Variants in AKAP13 observed in about 807,000 individuals in gnomAD.
AKAP13 encodes A-kinase anchoring protein 13, also known as A-kinase anchor protein 13.
In AKAP13, 80 loss-of-function variants were observed where a neutral mutation model predicts 264.5. The observed-to-expected ratio is 0.30, with a 90% CI of 0.25 to 0.36. The LOEUF (loss-of-function observed/expected upper bound fraction) is 0.36. AKAP13 is among the 10% of genes least tolerant of loss of function. The pLI is 1.00. For missense variants in AKAP13, 3,712 were observed against 3,435.2 expected (o/e 1.08, Z -2.01); for synonymous variants, 1,380 against 1,250.2 (o/e 1.10, Z -2.19).
At chr15:85,587,156 G>A (rs2151320892) in intron 8 of AKAP13, among the ~76,000 whole-genome samples, 1 of 152,232 alleles carries the variant, frequency 6.6e-6, no homozygotes, top group South Asian at 2.1e-4. Flanking sequence ...TTAGCAGTGT[G>A]CCTTTCCTTC....
intron 1 of AKAP13, among the ~76,000 whole-genome samples, chr15:85,423,871 C>T (rs1375531560): frequency 3.9e-5 from 6 of 152,220 alleles, no homozygotes; most frequent in Non-Finnish European, 2.9e-5. Context: ...TGTTAGCAGG[C>T]ATGAAAACAA....
At chr15:85,676,887 G>A in intron 14 of AKAP13, 6 of 957,142 alleles carry the variant, frequency 6.3e-6, no homozygotes, top group Non-Finnish European at 7.5e-6. Flanking sequence ...AACCGCATAG[G>A]CCATTGACAT....
At chr15:85,484,103 A>G (rs1434522151) in intron 1 of AKAP13, among the ~76,000 whole-genome samples, 1 of 152,128 alleles carries the variant, frequency 6.6e-6, no homozygotes, top group Non-Finnish European at 1.5e-5. Flanking sequence ...TTTCATTCCC[A>G]TGTCCTAGGC....
chr15:85,547,716 T>G (rs1262295250), intron 5 of AKAP13, among the ~76,000 whole-genome samples: 1 of 152,212 alleles, frequency 6.6e-6, no homozygotes, highest in African/African-American at 2.4e-5. Context: ...CTTAAATACA[T>G]TGTATTTAAG....
chr15:85,445,666 A>T (rs949195619), intron 1 of AKAP13, among the ~76,000 whole-genome samples: 20 of 151,960 alleles, frequency 1.3e-4, no homozygotes, highest in African/African-American at 4.6e-4. Context: ...GGAGAGAAAG[A>T]TGCCAACTGT....
intron 5 of AKAP13, among the ~76,000 whole-genome samples, chr15:85,555,658 G>C (rs1254830859): frequency 6.6e-6 from 1 of 152,158 alleles, no homozygotes; most frequent in African/African-American, 2.4e-5. Context: ...AAGTTAATTT[G>C]ACTGGGTTTT....
At chr15:85,404,390 A>G (rs1336992929) in intron 1 of AKAP13, among the ~76,000 whole-genome samples, 1 of 152,224 alleles carries the variant, frequency 6.6e-6, no homozygotes, top group East Asian at 1.9e-4. Context: ...AACACGCTTT[A>G]AAAACTGTTC....
intron 1 of AKAP13, among the ~76,000 whole-genome samples, chr15:85,433,421 T>C (rs941535099): frequency 6.6e-6 from 1 of 152,172 alleles, no homozygotes; most frequent in South Asian, 2.1e-4. Context: ...TCCACGTCTT[T>C]GTCGGTAGTG....
chr15:85,743,990 A>G (rs543699902), intron 36 of AKAP13, 165 bp downstream of exon 36: 5 of 781,064 alleles, frequency 6.4e-6, no homozygotes, highest in Non-Finnish European at 9.9e-6. Context: ...GCACTCATGC[A>G]GCGAACATTA....
chr15:85,480,864 T>G (rs1429654423), intron 1 of AKAP13: 3 of 152,138 alleles, frequency 2.0e-5, no homozygotes, highest in African/African-American at 7.2e-5. Context: ...ATTTTTGTAT[T>G]TTTTGTAGGG....
intron 1 of AKAP13, among the ~76,000 whole-genome samples, chr15:85,387,773 A>G (rs1177353236): frequency 1.3e-5 from 2 of 152,144 alleles, no homozygotes; most frequent in African/African-American, 2.4e-5. Context: ...TGGATCTTGC[A>G]TGTGTTTTGT....
intron 1 of AKAP13, among the ~76,000 whole-genome samples, chr15:85,433,865 C>T (rs1173768326): frequency 1.3e-5 from 2 of 151,806 alleles, no homozygotes; most frequent in Non-Finnish European, 2.9e-5. Context: ...CACTTGAACC[C>T]GGGAGTTGGA....
Position 85,744,723 on chromosome 15 carries a change from C to G in AKAP13, c.*46C>G. ...GCAGCTGCCTCCTGATCCTGGCCAG[C>G]CCACCTCTCCTGCTGTCCCCGCGTG... On this transcript the variant is annotated 3_prime_UTR_variant, in exon 37 of 37. Transcript: ENST00000394518. 6.5e-7 allele frequency: 1 copy of G among 1,538,002 alleles called. No individual in the cohort carries two copies.
intron 2 of AKAP13, among the ~76,000 whole-genome samples, chr15:85,519,345 C>CA: frequency 6.6e-6 from 1 of 152,146 alleles, no homozygotes; most frequent in Non-Finnish European, 1.5e-5. Flanking sequence ...CCCGCCCCCA[C>CA]AAAATGTAAA....
intron 19 of AKAP13, 53 bp downstream of exon 19, chr15:85,710,698 T>A (rs1472683194): frequency 7.0e-6 from 11 of 1,571,572 alleles, no homozygotes; most frequent in Non-Finnish European, 7.8e-6. Flanking sequence ...TGGTTCTGAA[T>A]GTAAAAATGC....
At chr15:85,539,943 C>T (rs1223030404) in intron 4 of AKAP13, among the ~76,000 whole-genome samples, 1 of 151,878 alleles carries the variant, frequency 6.6e-6, no homozygotes, top group Admixed American at 6.6e-5. Context: ...TCCCATTTGC[C>T]CTTTAAAGAG....
chr15:85,447,299 T>C (rs1164081092), intron 1 of AKAP13, among the ~76,000 whole-genome samples: 1 of 152,116 alleles, frequency 6.6e-6, no homozygotes, highest in Admixed American at 6.6e-5. Flanking sequence ...GTTATTATTA[T>C]TATTTTAAAA....
In AKAP13 at chr15:85,585,795, A is replaced by G; in HGVS notation, c.4133A>G (p.Lys1378Arg). ...VAVGSIAATL[K>R]MKQGPMTQAI... ...GTAGGGAGCATAGCTGCTACACTGA[A>G]GATGAAGCAAGGCCCAATGACCCAG... is the stretch of plus-strand genomic sequence containing the variant. Residue 1378 changes from lysine to arginine, a missense_variant, in exon 8 of 37, where the codon AAG becomes AGG. Transcript: ENST00000394518. The G allele has an allele frequency of 6.2e-7, 1 of 1,614,120 alleles. No individual in the cohort carries two copies. Among genetic ancestry groups the G allele is most frequent in the Non-Finnish European group, 8.5e-7 (1 of 1,179,982 alleles).
chr15:85,745,665 A>T lies in AKAP13; in HGVS notation c.*988A>T, dbSNP rs2089348786. On this transcript the variant is annotated 3_prime_UTR_variant, in exon 37 of 37. Transcript: ENST00000394518. The stretch of plus-strand genomic sequence containing the variant: ...TGTCTGGCCCTTGCTGGGTGAGGGC[A>T]CACCACTGCCAGGGGTCAGCCTCGC... 6.6e-6 allele frequency: 1 copy of T among 152,206 alleles called. No homozygotes were observed. Among genetic ancestry groups the T allele is most frequent in the South Asian group, 2.1e-4 (1 of 4,828 alleles). 9.4% of individuals were successfully genotyped at this position (152,206 alleles called of 1,614,324 possible). A position where few individuals can be genotyped will look rare whatever the true frequency, so the allele number is the denominator to read the frequency against.
Sources: allele counts gnomAD v4.1 joint callset (sites outside exome capture counted in the v4.1 genomes callset), GRCh38; gene constraint gnomAD v4.1.1; transcripts MANE v1.5; gene names NCBI Gene and HGNC (gene_info 2026-07-23, HGNC 2026-07-21).